Variants in BEND3 observed in about 807,000 individuals in gnomAD.
The protein encoded by BEND3 is BEN domain containing 3, also known as BEN domain-containing protein 3.
A neutral mutation model predicts 60.1 loss-of-function variants in BEND3; 13 were observed. The ratio of observed to expected loss-of-function variants is 0.22; its 90% CI spans 0.14 to 0.34. The LOEUF is 0.34. Among genes scored for constraint, BEND3 ranks in the 10% least tolerant of loss-of-function variants. BEND3 has a pLI of 1.00. For missense variants in BEND3, 896 were observed against 1,138.1 expected, an observed-to-expected ratio of 0.79 and a Z score of 3.06; for synonymous variants, 497 against 491.5, an observed-to-expected ratio of 1.01 and a Z score of -0.15.
At position 107,068,724 on chromosome 6, in the gene BEND3, C is replaced by T. The variant is rs1214590298; in HGVS notation, c.2467G>A (p.Ala823Thr). ...NRKKCDILKK[A>T]KKVEK ...GGCCTTCACTTCTCCACTTTCTTTG[C>T]TTTCTTGAGGATGTCGCATTTTTTC... The change falls in exon 4 of 4, where the codon GCA becomes ACA. Residue 823 changes from alanine (A) to threonine (T), a missense_variant. Physicochemically the swap from Ala to Thr is moderately conservative, Grantham distance 58. This residue lies in a region of BEND3 where 16 missense variants were observed against 18.0 expected (regional missense o/e 0.89). Coordinates refer to ENST00000369042, the MANE Select transcript of BEND3 (RefSeq NM_001367314.1). The surrounding 1 kb of genome is among the most constrained non-coding windows in gnomAD (Gnocchi z 5.8). 1.2e-6 allele frequency: 2 copies of T among 1,613,436 alleles called. No homozygotes were observed. The highest frequency in any genetic ancestry group is 8.5e-7 in the Non-Finnish European group (1 of 1,179,850).
intron 1 of BEND3, among the ~76,000 whole-genome samples, chr6:107,107,194 C>T (rs1775835224): frequency 6.6e-6 from 1 of 152,146 alleles, no homozygotes; most frequent in African/African-American, 2.4e-5. Flanking sequence ...GCCTCGGCCT[C>T]CCAAAGTGCT....
rs1554235705 is a variant in BEND3, at chr6:107,094,656, AAAT to A, written c.240+3892_240+3894del. ...TAAATAAATAAATAAATAAATAAAT[AAAT>A]AAATAAAACGAACAACAAACTCCAT... On this transcript the variant is annotated intron_variant, in intron 3 of 3. Transcript: ENST00000369042. Among the ~76,000 whole-genome samples the A allele has an allele frequency of 1.0e-4, 15 of 150,472 alleles. No individual in the cohort carries two copies. In the Middle Eastern group the frequency reaches 0.01, roughly 104 times the overall value.
chr6:107,080,550 A>G (rs562423626), intron 3 of BEND3, among the ~76,000 whole-genome samples: 29 of 152,228 alleles, frequency 1.9e-4, no homozygotes, highest in African/African-American at 5.3e-4. Flanking sequence ...AAAAATTAAC[A>G]TAAGTATAAT....
At chr6:107,113,464 A>AT (rs1770170174) in intron 1 of BEND3, among the ~76,000 whole-genome samples, 1 of 146,204 alleles carries the variant, frequency 6.8e-6, no homozygotes. Context: ...CAAAAAAAAA[A>AT]CTCATGTTCC....
intron 1 of BEND3, among the ~76,000 whole-genome samples, chr6:107,107,035 C>T (rs1484145089): frequency 1.3e-5 from 2 of 150,676 alleles, no homozygotes. Flanking sequence ...CTCCCGGGTT[C>T]AAGTGATACT....
In BEND3 at chr6:107,069,875, C is replaced by G. The variant is rs782365930; in HGVS notation, c.1316G>C (p.Gly439Ala). 6.2e-7 allele frequency: 1 copy of G among 1,613,844 alleles called. No individual in the cohort carries two copies. Among genetic ancestry groups the G allele is most frequent in the Non-Finnish European group, 8.5e-7 (1 of 1,179,998 alleles). The change falls in exon 4 of 4, where the codon GGA (glycine) becomes GCA (alanine). Residue 439 changes from glycine (G) to alanine (A), a missense_variant. Around this residue, in one of 4 missense-constraint regions of BEND3, gnomAD observed 846 missense variants for 1,036.7 expected, o/e 0.82. Coordinates refer to ENST00000369042, the MANE Select transcript of BEND3 (RefSeq NM_001367314.1). ...CCGCTGCGGGTCCAGCTCCTGCTTT[C>G]CACCGTCCCCGTAGCAGCTGTACTG... is the stretch of plus-strand genomic sequence containing the variant. Reference protein sequence around the residue: ...GEQYSCYGDGGKQELDPQRLQ... With the variant: ...GEQYSCYGDGAKQELDPQRLQ...
chr6:107,078,241 C>T (rs1775140012), intron 3 of BEND3, among the ~76,000 whole-genome samples: 1 of 152,054 alleles, frequency 6.6e-6, no homozygotes, highest in Admixed American at 6.5e-5. Context: ...CATCAGGGCT[C>T]CCCACTTTGC....
chr6:107,093,470 A>G (rs1272991692), intron 3 of BEND3, among the ~76,000 whole-genome samples: 1 of 152,114 alleles, frequency 6.6e-6, no homozygotes, highest in East Asian at 1.9e-4. Flanking sequence ...CAAAAAAAAA[A>G]AAAAGAAAAG....
rs782587231 is a variant in BEND3, at chr6:107,069,865, C to G, written c.1326G>C (p.Glu442Asp). Reference sequence around the variant, plus strand: ...TGATCTGCAGCCGCTGCGGGTCCAGCTCCTGCTTTCCACCGTCCCCGTAGC... The same window carrying G: ...TGATCTGCAGCCGCTGCGGGTCCAGGTCCTGCTTTCCACCGTCCCCGTAGC... ...YSCYGDGGKQELDPQRLQIIR... is the reference protein window; with the variant it reads ...YSCYGDGGKQDLDPQRLQIIR... Residue 442 changes from glutamate (E) to aspartate (D), a missense_variant, in exon 4 of 4, where the codon GAG (glutamate) becomes GAC (aspartate). Around this residue, in one of 4 missense-constraint regions of BEND3, gnomAD observed 846 missense variants for 1,036.7 expected, o/e 0.82. Coordinates refer to ENST00000369042, the MANE Select transcript of BEND3 (RefSeq NM_001367314.1). 2 of 1,613,866 alleles carry G rather than the reference C, an allele frequency of 1.2e-6. No individual in the cohort carries two copies. The highest frequency in any genetic ancestry group is 1.7e-5 in the Admixed American group (1 of 60,014).
Position 107,068,722 on chromosome 6 carries a change from T to C in BEND3, c.2469A>G (p.Ala823=), listed in dbSNP as rs1774884930. 2 of 1,613,420 alleles carry C rather than the reference T, an allele frequency of 1.2e-6. No individual in the cohort carries two copies. Among genetic ancestry groups the C allele is most frequent in the South Asian group, 1.1e-5 (1 of 91,058 alleles). Residue 823 remains alanine (A), a synonymous_variant, in exon 4 of 4, where the codon GCA becomes GCG. Coordinates refer to ENST00000369042, the MANE Select transcript of BEND3 (RefSeq NM_001367314.1). This position sits in a 1 kb window ranked among gnomAD's most constrained non-coding sequence, Gnocchi z 5.8. ...NRKKCDILKK[A]KKVEK is the part of the protein sequence containing the mutation. ...CGGGCCTTCACTTCTCCACTTTCTTTGCTTTCTTGAGGATGTCGCATTTTT... is the reference window on the plus strand; with the variant it reads ...CGGGCCTTCACTTCTCCACTTTCTTCGCTTTCTTGAGGATGTCGCATTTTT...
intron 1 of BEND3, among the ~76,000 whole-genome samples, chr6:107,113,464 A>G (rs1332254811): frequency 6.8e-6 from 1 of 146,204 alleles, no homozygotes; most frequent in Non-Finnish European, 1.5e-5. Flanking sequence ...CAAAAAAAAA[A>G]CTCATGTTCC....
intron 1 of BEND3, among the ~76,000 whole-genome samples, chr6:107,108,788 A>G (rs1554237907): frequency 1.3e-5 from 2 of 152,240 alleles, no homozygotes; most frequent in African/African-American, 4.8e-5. Context: ...CCACAGGTAG[A>G]AAAAAAATTA....
Position 107,069,757 on chromosome 6 carries a change from G to A in BEND3, c.1434C>T (p.Asp478=), listed in dbSNP as rs782612306. 1.5e-5 allele frequency: 24 copies of A among 1,612,606 alleles called. 1 individual carries two copies. The highest frequency in any genetic ancestry group is 3.3e-5 in the Admixed American group (2 of 60,020). Reference sequence around the variant, plus strand: ...CGTCCAGCCCCAGGCCCTCGAGCTCGTCGTTGATGCGCTGGGCACACTGCT... The same window carrying A: ...CGTCCAGCCCCAGGCCCTCGAGCTCATCGTTGATGCGCTGGGCACACTGCT... ...WLQQCAQRIN[D]ELEGLGLDAG... The change falls in exon 4 of 4, where the codon GAC becomes GAT. Residue 478 remains aspartate (D), a synonymous_variant. Transcript: ENST00000369042.
At chr6:107,109,640 G>A (rs1554238086) in intron 1 of BEND3, among the ~76,000 whole-genome samples, 1 of 151,708 alleles carries the variant, frequency 6.6e-6, no homozygotes, top group Non-Finnish European at 1.5e-5. Context: ...TTGGGAGGCT[G>A]AGGCGGACGG....
chr6:107,074,500 T>C (rs1483499257), intron 3 of BEND3, among the ~76,000 whole-genome samples: 2 of 152,132 alleles, frequency 1.3e-5, no homozygotes, highest in Non-Finnish European at 2.9e-5. Flanking sequence ...GGTAGTTCTG[T>C]AGGGGACTTT....
At chr6:107,081,843 T>C (rs1775241445) in intron 3 of BEND3, among the ~76,000 whole-genome samples, 1 of 151,920 alleles carries the variant, frequency 6.6e-6, no homozygotes, top group African/African-American at 2.4e-5. Flanking sequence ...CATATGAAGA[T>C]GCTGCCTTCT....
At chr6:107,074,786 G>C (rs887867477) in intron 3 of BEND3, among the ~76,000 whole-genome samples, 1 of 152,100 alleles carries the variant, frequency 6.6e-6, no homozygotes, top group Non-Finnish European at 1.5e-5. Flanking sequence ...GATAGTAGAT[G>C]ATAACTGATT....
At chr6:107,112,848 T>C (rs572367297) in intron 1 of BEND3, among the ~76,000 whole-genome samples, 29 of 143,910 alleles carry the variant, frequency 2.0e-4, no homozygotes, top group African/African-American at 7.3e-4. Flanking sequence ...AGCAAAACTC[T>C]GTCTCAAGAA....
chr6:107,069,020 T>G lies in BEND3; in HGVS notation c.2171A>C (p.Lys724Thr), dbSNP rs1431065257. The part of the protein sequence containing the change: ...PVPSPYLLSD[K>T]EVREIVQQSL... ...CTGCTGCACGATCTCACGCACCTCC[T>G]TGTCAGACAGCAGGTAGGGAGAAGG... The change falls in exon 4 of 4, where the codon AAG becomes ACG. Residue 724 changes from lysine to threonine, a missense_variant. Physicochemically the swap from Lys to Thr is moderately conservative, Grantham distance 78. This residue lies in a region of BEND3 where 846 missense variants were observed against 1,036.7 expected (regional missense o/e 0.82). Transcript: ENST00000369042. 6.2e-7 allele frequency: 1 copy of G among 1,613,580 alleles called. No individual in the cohort carries two copies. The highest frequency in any genetic ancestry group is 8.5e-7 in the Non-Finnish European group (1 of 1,179,960).
Sources: allele counts gnomAD v4.1 joint callset (sites outside exome capture counted in the v4.1 genomes callset), GRCh38; gene constraint gnomAD v4.1.1; regional missense constraint gnomAD v4.1.1; non-coding constraint Gnocchi (gnomAD v3.1); transcripts MANE v1.5; gene names NCBI Gene and HGNC (gene_info 2026-07-23, HGNC 2026-07-21).